SEC63: variants seen among roughly 807,000 people sequenced by gnomAD.
The protein encoded by SEC63 is translocation protein SEC63 homolog.
A neutral mutation model predicts 116.2 loss-of-function variants in SEC63; 56 were observed. The observed-to-expected ratio is 0.48, with a 90% CI of 0.39 to 0.60. The LOEUF is 0.60. Among genes scored for constraint, SEC63 ranks in the 20% least tolerant of loss-of-function variants. SEC63 has a pLI of 0.00. For synonymous variants in SEC63, 273 were observed against 294.6 expected, an observed-to-expected ratio of 0.93 and a Z score of 0.75; for missense variants, 668 against 900.0, an observed-to-expected ratio of 0.74 and a Z score of 3.30.
intron 1 of SEC63, among the ~76,000 whole-genome samples, chr6:107,948,417 T>A (rs1241944396): frequency 1.3e-5 from 2 of 152,120 alleles, no homozygotes; most frequent in African/African-American, 4.8e-5. Flanking sequence ...TGAATCTAGC[T>A]CAAAGTGCTA....
At chr6:107,930,140 A>G (rs1237663788) in intron 1 of SEC63, 1 of 147,652 alleles carries the variant, frequency 6.8e-6, no homozygotes, top group Non-Finnish European at 1.5e-5. Context: ...CATGGCCCTC[A>G]CCCAAAGATG....
At chr6:107,898,950 G>C (rs1786930908) in intron 13 of SEC63, among the ~76,000 whole-genome samples, 2 of 152,152 alleles carry the variant, frequency 1.3e-5, no homozygotes, top group Admixed American at 1.3e-4. Flanking sequence ...CAGCAGCTGG[G>C]TATCAACAAA....
intron 19 of SEC63, among the ~76,000 whole-genome samples, chr6:107,875,558 G>A (rs1246222483): frequency 3.3e-5 from 5 of 151,950 alleles, no homozygotes; most frequent in African/African-American, 2.4e-5. Context: ...TTAGCCGGGC[G>A]TGGCTAATTT....
Position 107,893,820 on chromosome 6 carries a change from G to A in SEC63, c.1500+18C>T, listed in dbSNP as rs1386430929. On this transcript the variant is annotated intron_variant, in intron 15 of 20. Coordinates refer to ENST00000369002, the MANE Select transcript of SEC63 (RefSeq NM_007214.5). ...TTCTTTCACTAGGAAAAATAGGTTC[G>A]GAAACCCAAGTTTTTACCCCATCTT... 1.1e-5 allele frequency: 17 copies of A among 1,613,770 alleles called. No individual in the cohort carries two copies. The highest frequency in any genetic ancestry group is 1.3e-5 in the African/African-American group (1 of 74,904).
intron 7 of SEC63, among the ~76,000 whole-genome samples, chr6:107,910,216 A>G (rs1042840504): frequency 6.6e-5 from 10 of 152,218 alleles, no homozygotes; most frequent in Admixed American, 5.2e-4. Flanking sequence ...CTGTAAGCCT[A>G]GTACTTTGAG....
Position 107,901,462 on chromosome 6 carries a change from G to A in SEC63, c.1265C>T (p.Thr422Ile), listed in dbSNP as rs1461712063. The part of the protein sequence containing the change: ...LVSLKESDRH[T>I]LLHFLEDEKY... Reference sequence around the variant, plus strand: ...TTCATCTTCAAGGAAGTGCAGTAGAGTGTGACGATCTGATTCTTTTAAACT... The same window carrying A: ...TTCATCTTCAAGGAAGTGCAGTAGAATGTGACGATCTGATTCTTTTAAACT... Residue 422 changes from threonine (T) to isoleucine (I), a missense_variant, in exon 13 of 21, where the codon ACT becomes ATT. This residue lies in a region of SEC63 where 430 missense variants were observed against 557.5 expected (regional missense o/e 0.77). Coordinates refer to ENST00000369002, the MANE Select transcript of SEC63 (RefSeq NM_007214.5). The A allele has an allele frequency of 1.2e-6, 2 of 1,609,950 alleles. No individual in the cohort carries two copies. The highest frequency in any genetic ancestry group is 1.1e-5 in the South Asian group (1 of 90,980).
At chr6:107,877,601 T>G (rs1288016189) in intron 18 of SEC63, among the ~76,000 whole-genome samples, 1 of 152,024 alleles carries the variant, frequency 6.6e-6, no homozygotes, top group Non-Finnish European at 1.5e-5. Context: ...GCACCACGTC[T>G]GGCTAATTTT....
chr6:107,912,640 G>T, intron 6 of SEC63, 76 bp downstream of exon 6: 1 of 827,020 alleles, frequency 1.2e-6, no homozygotes, highest in Non-Finnish European at 2.1e-6. Flanking sequence ...AGTTCTTCTT[G>T]TATTACCAAG....
chr6:107,944,638 A>C (rs1770443934), intron 1 of SEC63, among the ~76,000 whole-genome samples: 1 of 152,130 alleles, frequency 6.6e-6, no homozygotes. Context: ...TGGCGGTTGC[A>C]GTGAGCCGCG....
chr6:107,877,422 A>G (rs1280618621), intron 18 of SEC63: 1 of 152,164 alleles, frequency 6.6e-6, no homozygotes, highest in Non-Finnish European at 1.5e-5. Context: ...AGTTTCTTTG[A>G]GAAAACGTGG....
rs9400161 is a variant in SEC63 at position 107,921,475 on chromosome 6, A to G, written c.452+322T>C. 0.11 allele frequency among the ~76,000 whole-genome samples: 15,989 copies of G among 149,676 alleles called. 953 individuals are homozygous for G. Among genetic ancestry groups the G allele is most frequent in the East Asian group, 0.21 (1,078 of 5,110 alleles). ...ATCCTTTTTTTTTTTTTCTTTAGAG[A>G]TGGAGTATTACTGTCATCGAAGTTG... On this transcript the variant is annotated intron_variant, in intron 4 of 20. Transcript: ENST00000369002.
intron 18 of SEC63, among the ~76,000 whole-genome samples, chr6:107,878,626 C>T (rs1786335101): frequency 2.0e-5 from 3 of 152,266 alleles, no homozygotes; most frequent in Non-Finnish European, 4.4e-5. Context: ...GAGGCCAAGG[C>T]GGGTGGATCA....
intron 18 of SEC63, 89 bp from the exon 19 acceptor site, chr6:107,876,751 T>TA: frequency 1.2e-6 from 1 of 823,428 alleles, no homozygotes; most frequent in Non-Finnish European, 2.0e-6. Context: ...TCTCTTATCT[T>TA]AGAGATCCTC....
chr6:107,897,886 T>C (rs1435295774), intron 13 of SEC63, among the ~76,000 whole-genome samples, 155 bp from the exon 14 acceptor site: 2 of 152,266 alleles, frequency 1.3e-5, no homozygotes, highest in African/African-American at 2.4e-5. Context: ...GATTGACTAC[T>C]CTGTATAAGG....
At chr6:107,872,611 A>G (rs1786161068) in intron 20 of SEC63, among the ~76,000 whole-genome samples, 197 bp downstream of exon 20, 2 of 152,186 alleles carry the variant, frequency 1.3e-5, no homozygotes, top group Non-Finnish European at 2.9e-5. Context: ...TCAATGTTCT[A>G]AACTGTTACA....
chr6:107,897,736 T>C lies in SEC63; in HGVS notation c.1358-5A>G. 1 of 1,584,634 alleles carries C rather than the reference T, an allele frequency of 6.3e-7. No individual in the cohort carries two copies. The highest frequency in any genetic ancestry group is 1.1e-5 in the South Asian group (1 of 90,470). On this transcript the variant is annotated splice_region_variant and splice_polypyrimidine_tract_variant and intron_variant, in intron 13 of 20. Coordinates refer to ENST00000369002, the MANE Select transcript of SEC63 (RefSeq NM_007214.5). ...TGCTATCTTCATCATCTAACACTGT[T>C]AAGATGGAAGAAAAAAAACAGCAAA...
intron 19 of SEC63, 21 bp downstream of exon 19, chr6:107,876,543 A>C: frequency 1.4e-6 from 2 of 1,418,852 alleles, no homozygotes; most frequent in Non-Finnish European, 2.0e-6. Flanking sequence ...AAACACTGAA[A>C]TCATGTTGCT....
At chr6:107,891,603 G>A (rs1350501274) in intron 16 of SEC63, among the ~76,000 whole-genome samples, 1 of 152,002 alleles carries the variant, frequency 6.6e-6, no homozygotes, top group African/African-American at 2.4e-5. Context: ...TTGTTCCCTT[G>A]CTGGTGAGGA....
intron 10 of SEC63, among the ~76,000 whole-genome samples, chr6:107,905,528 A>C (rs1431704214): frequency 6.6e-6 from 1 of 152,230 alleles, no homozygotes; most frequent in Non-Finnish European, 1.5e-5. Context: ...AATGTCGGTG[A>C]AAAAGAGATA....
Sources: gnomAD v4.1 joint callset for allele counts (sites outside exome capture counted in the v4.1 genomes callset) on GRCh38, gnomAD v4.1.1 for gene constraint, gnomAD v4.1.1 regional missense constraint, MANE v1.5 for transcripts, NCBI Gene and HGNC (gene_info 2026-07-23, HGNC 2026-07-21) for gene names.